SHANK2: variants seen among roughly 807,000 people sequenced by gnomAD.
SHANK2 encodes SH3 and multiple ankyrin repeat domains protein 2.
A neutral mutation model predicts 133.7 loss-of-function variants in SHANK2; 43 were observed. That is an observed-to-expected ratio of 0.32 (90% confidence interval 0.25 to 0.41). The LOEUF (loss-of-function observed/expected upper bound fraction) is 0.41. Ranked by LOEUF, SHANK2 falls within the 10% of genes least tolerant of loss-of-function variation. The probability of loss-of-function intolerance (pLI) is 1.00; values close to 1 mark genes in which losing one functional copy is unlikely to be tolerated. For missense variants in SHANK2, 1,994 were observed against 2,235.8 expected, an observed-to-expected ratio of 0.89 and a Z score of 2.18; for synonymous variants, 1,017 against 952.8, an observed-to-expected ratio of 1.07 and a Z score of -1.24.
chr11:71,227,443 T>C (rs1245649312), intron 1 of SHANK2, among the ~76,000 whole-genome samples: 1 of 151,788 alleles, frequency 6.6e-6, no homozygotes, highest in African/African-American at 2.4e-5. Flanking sequence ...TTAGATAAAG[T>C]AGACTTCAGG....
At chr11:70,846,380 C>T (rs7110928) in intron 11 of SHANK2, among the ~76,000 whole-genome samples, 4,969 of 152,184 alleles carry the variant, frequency 0.033, 239 homozygotes, top group African/African-American at 0.11. Context: ...CCTCCTGCCT[C>T]GGCCTCCCAA....
chr11:71,189,643 G>A (rs1048748882), intron 2 of SHANK2, among the ~76,000 whole-genome samples: 7 of 152,122 alleles, frequency 4.6e-5, no homozygotes, highest in East Asian at 1.9e-4. Flanking sequence ...CAAGCAATTC[G>A]CCCGCGTTGG....
chr11:70,628,517 A>T lies in SHANK2; in HGVS notation c.2061+31311T>A, dbSNP rs542056169. On this transcript the variant is annotated intron_variant, in intron 17 of 25. Coordinates refer to ENST00000601538, the MANE Select transcript of SHANK2 (RefSeq NM_012309.5). ...AGCTCTTTTCCCCGGGGCCTCCTTC[A>T]GTCCTTATAGTAGCTCTGAAATGTC... Among the ~76,000 whole-genome samples the T allele has an allele frequency of 1.2e-3, 176 of 152,330 alleles. 1 individual carries two copies. Among genetic ancestry groups the T allele is most frequent in the African/African-American group, 3.9e-3 (162 of 41,574 alleles).
chr11:70,512,294 C>T (rs888895426), intron 17 of SHANK2, among the ~76,000 whole-genome samples: 9 of 152,216 alleles, frequency 5.9e-5, no homozygotes, highest in African/African-American at 2.2e-4. Context: ...AAGGTCAAGA[C>T]ACCATCAGTT....
chr11:70,677,303 C>G (rs565312751), intron 15 of SHANK2, among the ~76,000 whole-genome samples: 2 of 152,336 alleles, frequency 1.3e-5, no homozygotes, highest in East Asian at 3.9e-4. Context: ...CACACAGTTG[C>G]AAAGTCTTTG....
intron 6 of SHANK2, among the ~76,000 whole-genome samples, chr11:71,104,181 C>T (rs868981801): frequency 3.9e-5 from 6 of 152,114 alleles, no homozygotes; most frequent in South Asian, 4.1e-4. Flanking sequence ...CCGGCACCAC[C>T]GTAGGTGTTA....
chr11:70,885,165 C>G (rs776974569), intron 11 of SHANK2, among the ~76,000 whole-genome samples: 1 of 150,734 alleles, frequency 6.6e-6, no homozygotes, highest in Non-Finnish European at 1.5e-5. Context: ...AAAGTCATCT[C>G]CCGTAAGTGC....
intron 15 of SHANK2, among the ~76,000 whole-genome samples, chr11:70,681,301 G>A (rs1464792449): frequency 8.5e-5 from 13 of 152,144 alleles, no homozygotes; most frequent in African/African-American, 2.7e-4. Flanking sequence ...GTTTCTCCGC[G>A]GCTCAGGATT....
At chr11:70,477,614 C>G (rs141912506) in intron 25 of SHANK2, 3 of 152,256 alleles carry the variant, frequency 2.0e-5, no homozygotes, top group African/African-American at 7.2e-5. Flanking sequence ...GGAGGATAAA[C>G]GAACATTCCT....
At chr11:70,883,411 A>G (rs1949688005) in intron 11 of SHANK2, among the ~76,000 whole-genome samples, 1 of 152,140 alleles carries the variant, frequency 6.6e-6, no homozygotes, top group South Asian at 2.1e-4. Context: ...TCTGTAGGAA[A>G]CCAACAGCCA....
At chr11:70,636,980 TTC>T (rs1555004497) in intron 17 of SHANK2, among the ~76,000 whole-genome samples, 1 of 95,628 alleles carries the variant, frequency 1.0e-5, no homozygotes, top group African/African-American at 3.8e-5. Context: ...ACAGGAATTT[TTC>T]TCTCAGTCTG....
At chr11:70,793,667 C>T (rs890162814) in intron 14 of SHANK2, among the ~76,000 whole-genome samples, 1 of 152,168 alleles carries the variant, frequency 6.6e-6, no homozygotes, top group Admixed American at 6.5e-5. Context: ...TGAAGTTAAA[C>T]AGACTGATAT....
chr11:70,532,362 C>T (rs1402857241), intron 17 of SHANK2, among the ~76,000 whole-genome samples: 1 of 152,218 alleles, frequency 6.6e-6, no homozygotes, highest in Non-Finnish European at 1.5e-5. Flanking sequence ...GCCCCCCATG[C>T]TGTGCACAGC....
chr11:70,657,344 G>A (rs1352386648), intron 17 of SHANK2, among the ~76,000 whole-genome samples: 1 of 152,122 alleles, frequency 6.6e-6, no homozygotes, highest in Non-Finnish European at 1.5e-5. Flanking sequence ...TCCCTCCAAG[G>A]TCAAAGCTCT....
At chr11:71,191,870 A>T (rs1245443345) in intron 2 of SHANK2, among the ~76,000 whole-genome samples, 1 of 145,950 alleles carries the variant, frequency 6.9e-6, no homozygotes, top group Admixed American at 6.9e-5. Flanking sequence ...TTTATTTTTT[A>T]TTTTTTTTAA....
intron 17 of SHANK2, among the ~76,000 whole-genome samples, chr11:70,655,046 G>A (rs1272008021): frequency 2.0e-5 from 3 of 152,158 alleles, no homozygotes; most frequent in East Asian, 1.9e-4. Context: ...TGGGATTACA[G>A]GCGTGATTTC....
Position 70,486,179 on chromosome 11 carries a change from C to T in SHANK2, c.4114G>A (p.Gly1372Ser), listed in dbSNP as rs782434642. 3.7e-6 allele frequency: 6 copies of T among 1,613,068 alleles called. No individual in the cohort carries two copies. Among genetic ancestry groups the T allele is most frequent in the Admixed American group, 1.7e-5 (1 of 59,996 alleles). ...SAAPEPTTVP[G>S]RTIVAVGSME... ...GAGCCCACCGCGACGATGGTTCTGC[C>T]GGGCACGGTGGTGGGCTCGGGGGCA... is the stretch of plus-strand genomic sequence containing the variant. Residue 1372 changes from glycine (G) to serine (S), a missense_variant, in exon 25 of 26, where the codon GGC becomes AGC. Physicochemically the swap from Gly to Ser is moderately conservative, Grantham distance 56. This residue lies in a region of SHANK2 where 797 missense variants were observed against 907.4 expected (regional missense o/e 0.88). Coordinates refer to ENST00000601538, the MANE Select transcript of SHANK2 (RefSeq NM_012309.5). The surrounding 1 kb of genome is among the most constrained non-coding windows in gnomAD (Gnocchi z 8.0).
intron 14 of SHANK2, among the ~76,000 whole-genome samples, chr11:70,738,139 C>T (rs868944464): frequency 2.2e-4 from 33 of 152,396 alleles, no homozygotes; most frequent in Admixed American, 1.6e-3. Context: ...ACCAAAGCAA[C>T]CATGCATCGC....
At chr11:70,762,980 C>T (rs1333942547) in intron 14 of SHANK2, among the ~76,000 whole-genome samples, 3 of 152,208 alleles carry the variant, frequency 2.0e-5, no homozygotes, top group Admixed American at 6.5e-5. Flanking sequence ...CACCATGAGG[C>T]CCGGCCATAC....
Sources: gnomAD v4.1 joint callset for allele counts (sites outside exome capture counted in the v4.1 genomes callset) on GRCh38, gnomAD v4.1.1 for gene constraint, gnomAD v4.1.1 regional missense constraint, Gnocchi (gnomAD v3.1) non-coding constraint, MANE v1.5 for transcripts, NCBI Gene and HGNC (gene_info 2026-07-23, HGNC 2026-07-21) for gene names.